PP2D1: variants seen among roughly 807,000 people sequenced by gnomAD.
PP2D1 encodes the protein protein phosphatase 2C-like domain-containing protein 1.
In PP2D1, 25 loss-of-function variants were observed where a neutral mutation model predicts 30.2. The observed-to-expected ratio is 0.83, with a 90% confidence interval of 0.60 to 1.16. The LOEUF (loss-of-function observed/expected upper bound fraction) is 1.16. Among genes scored for constraint, PP2D1 ranks in the 50% most tolerant of loss-of-function variants. The pLI is 0.00. For missense variants in PP2D1, 760 were observed against 742.4 expected (o/e 1.02, Z -0.28); for synonymous variants, 260 against 258.9 (o/e 1.00, Z -0.04).
At chr3:20,000,419 C>G (rs1160901720) in intron 2 of PP2D1, among the ~76,000 whole-genome samples, 1 of 152,130 alleles carries the variant, frequency 6.6e-6, no homozygotes, top group Non-Finnish European at 1.5e-5. Flanking sequence ...GTCAATTTTG[C>G]TAAAAAGTTT....
At chr3:20,009,870 A>AT (rs1256274766) in intron 1 of PP2D1, among the ~76,000 whole-genome samples, 1 of 152,174 alleles carries the variant, frequency 6.6e-6, no homozygotes, top group African/African-American at 2.4e-5. Context: ...CTGTAGTAAA[A>AT]TTTTATTTAC....
Position 20,001,185 on chromosome 3 carries a change from C to T in PP2D1, c.935G>A (p.Cys312Tyr), listed in dbSNP as rs550331111. The T allele has an allele frequency of 6.6e-7, 1 of 1,511,460 alleles. No homozygotes were observed. The highest frequency in any genetic ancestry group is 8.8e-7 in the Non-Finnish European group (1 of 1,136,598). 93.6% of individuals were successfully genotyped at this position (1,511,460 alleles called of 1,614,324 possible). ...TTCCAATATACAAGTAACTGCAGAG[C>T]AGCCACTCCATTGAACCCTGGACAC... Reference protein sequence around the residue: ...KEVSRVQWSGCSAVTCILEGK... With the variant: ...KEVSRVQWSGYSAVTCILEGK... Residue 312 changes from cysteine to tyrosine, a missense_variant, in exon 2 of 3, where the codon TGC becomes TAC. Coordinates refer to ENST00000389050, the MANE Select transcript of PP2D1 (RefSeq NM_001252657.2).
chr3:19,999,545 A>ATT lies in PP2D1; in HGVS notation c.1090+1483_1090+1484dup, dbSNP rs35816290. Among the ~76,000 whole-genome samples the ATT allele has an allele frequency of 1.2e-3, 168 of 139,576 alleles. 1 individual carries two copies. The highest frequency in any genetic ancestry group is 1.4e-3 in the African/African-American group (53 of 37,584). The allele number at this position is 139,576 out of a possible 152,430, so 91.6% of individuals were successfully genotyped here. ...TACAGGCACCTGCCACGCCTGGCTAATTTTTTTTTTTTTTTGTATTTTTAG... is the reference window on the plus strand; with the variant it reads ...TACAGGCACCTGCCACGCCTGGCTAATTTTTTTTTTTTTTTTTGTATTTTTAG... On this transcript the variant is annotated intron_variant, in intron 2 of 2. Coordinates refer to ENST00000389050, the MANE Select transcript of PP2D1 (RefSeq NM_001252657.2).
In PP2D1 at chr3:20,006,674, C is replaced by G. The variant is rs551795836; in HGVS notation, c.24-4578G>C. Among the ~76,000 whole-genome samples, 3 of 152,190 alleles carry G rather than the reference C, an allele frequency of 2.0e-5. No individual in the cohort carries two copies. The East Asian group carries it at 5.8e-4, about 29-fold the overall frequency. On this transcript the variant is annotated intron_variant, in intron 1 of 2. Coordinates refer to ENST00000389050, the MANE Select transcript of PP2D1 (RefSeq NM_001252657.2). ...ATGAGTTTTTGCCATGTTGGCCAAGCTGGTCTTGAACTCCTGGCCTCATGT... is the reference window on the plus strand; with the variant it reads ...ATGAGTTTTTGCCATGTTGGCCAAGGTGGTCTTGAACTCCTGGCCTCATGT...
rs377096397 is a variant in PP2D1 at position 19,985,901 on chromosome 3, A to G, written c.1372T>C (p.Trp458Arg). 1.3e-6 allele frequency: 2 copies of G among 1,536,488 alleles called. No homozygotes were observed. Among genetic ancestry groups the G allele is most frequent in the Admixed American group, 3.9e-5 (2 of 51,010 alleles). Reference sequence around the variant, plus strand: ...ACTTCCTCTTTATCCAAAACTTCCCAAAGTCCATTAGTAGCTACAATAAGG... The same window carrying G: ...ACTTCCTCTTTATCCAAAACTTCCCGAAGTCCATTAGTAGCTACAATAAGG... ...QFLIVATNGL[W>R]EVLDKEEVTA... The change falls in exon 3 of 3, where the codon TGG (tryptophan) becomes CGG (arginine). Residue 458 changes from tryptophan (W) to arginine (R), a missense_variant. Around this residue, in one of 3 missense-constraint regions of PP2D1, gnomAD observed 369 missense variants for 316.2 expected, o/e 1.17. Coordinates refer to ENST00000389050, the MANE Select transcript of PP2D1 (RefSeq NM_001252657.2).
chr3:19,991,168 A>G (rs924376244), intron 2 of PP2D1, among the ~76,000 whole-genome samples: 6 of 152,242 alleles, frequency 3.9e-5, no homozygotes, highest in Admixed American at 2.6e-4. Context: ...GGGGATTAAA[A>G]AGAGCCGCTT....
chr3:20,012,003 A>G, intron 1 of PP2D1, 47 bp downstream of exon 1: 1 of 1,381,376 alleles, frequency 7.2e-7, no homozygotes, highest in Non-Finnish European at 9.9e-7. Flanking sequence ...AGATATAATT[A>G]CTCATTGGCT....
downstream of PP2D1, among the ~76,000 whole-genome samples, chr3:19,983,345 C>CAA (rs34872300): frequency 0.41 from 37,281 of 91,606 alleles, 6,797 homozygotes; most frequent in Non-Finnish European, 0.44. Context: ...GACTACATCT[C>CAA]AAAAAAAAAA....
rs998678304 is a variant in PP2D1, at chr3:20,012,073, G to A, written c.-1C>T. On this transcript the variant is annotated 5_prime_UTR_variant, in exon 1 of 3. Coordinates refer to ENST00000389050, the MANE Select transcript of PP2D1 (RefSeq NM_001252657.2). ...ACCTTAAAGCATTATTGGTGCTCATGTTCCTTTGGAATTACCTTTCTTTGC... is the reference window on the plus strand; with the variant it reads ...ACCTTAAAGCATTATTGGTGCTCATATTCCTTTGGAATTACCTTTCTTTGC... The A allele has an allele frequency of 2.0e-6, 3 of 1,531,960 alleles. No homozygotes were observed. The highest frequency in any genetic ancestry group is 2.0e-5 in the Admixed American group (1 of 50,752). 94.9% of individuals were successfully genotyped at this position (1,531,960 alleles called of 1,614,324 possible). A position where few individuals can be genotyped will look rare whatever the true frequency, so the allele number is the denominator to read the frequency against.
chr3:19,991,110 A>G (rs558374196), intron 2 of PP2D1, among the ~76,000 whole-genome samples: 16 of 152,320 alleles, frequency 1.1e-4, no homozygotes, highest in African/African-American at 3.6e-4. Context: ...CAGAACAAAA[A>G]TGGAACAGGA....
rs1697014683 is a variant in PP2D1, at chr3:19,985,480, C to G, written c.1793G>C (p.Ser598Thr). 6.5e-7 allele frequency: 1 copy of G among 1,535,930 alleles called. No individual in the cohort carries two copies. The highest frequency in any genetic ancestry group is 1.4e-5 in the African/African-American group (1 of 73,028). Reference sequence around the variant, plus strand: ...TAAAGCAGCATTTACAAGTTCATGGCTAACATACTCAGCTGCGCCTTCATA... The same window carrying G: ...TAAAGCAGCATTTACAAGTTCATGGGTAACATACTCAGCTGCGCCTTCATA... ...SFYEGAAEYV[S>T]HELVNAALLA... Residue 598 changes from serine (S) to threonine (T), a missense_variant, in exon 3 of 3, where the codon AGC (serine) becomes ACC (threonine). Physicochemically the swap from Ser to Thr is moderately conservative, Grantham distance 58. This residue lies in a region of PP2D1 where 369 missense variants were observed against 316.2 expected (regional missense o/e 1.17). Transcript: ENST00000389050.
chr3:19,983,878 A>G (rs947998852), downstream of PP2D1: 3 of 1,234,236 alleles, frequency 2.4e-6, no homozygotes, highest in South Asian at 1.3e-5. Flanking sequence ...GTTAATAACA[A>G]TGGAATTGGA....
chr3:19,982,779 G>A (rs1696954970), downstream of PP2D1, among the ~76,000 whole-genome samples: 1 of 149,440 alleles, frequency 6.7e-6, no homozygotes, highest in Middle Eastern at 3.4e-3. Context: ...AAAAAAAAAA[G>A]AGAGCATGTA....
At chr3:19,987,762 A>AT (rs1301633183) in intron 2 of PP2D1, among the ~76,000 whole-genome samples, 1 of 152,186 alleles carries the variant, frequency 6.6e-6, no homozygotes, top group Non-Finnish European at 1.5e-5. Context: ...ACACAAAAAA[A>AT]TTAGTCGGGC....
At chr3:19,995,530 G>A (rs1038236983) in intron 2 of PP2D1, among the ~76,000 whole-genome samples, 3 of 152,178 alleles carry the variant, frequency 2.0e-5, no homozygotes, top group Non-Finnish European at 4.4e-5. Context: ...GAGAATAAAT[G>A]TTTGCTGTTT....
downstream of PP2D1, chr3:19,984,665 A>T (rs1696998723): frequency 6.4e-6 from 1 of 156,332 alleles, no homozygotes; most frequent in Non-Finnish European, 1.4e-5. Context: ...ACTAACAATT[A>T]TGTATATTCA....
chr3:19,994,149 G>A (rs1272010216), intron 2 of PP2D1, among the ~76,000 whole-genome samples: 1 of 152,118 alleles, frequency 6.6e-6, no homozygotes, highest in Non-Finnish European at 1.5e-5. Flanking sequence ...GACCCCAGAG[G>A]ATGATGGCCT....
At chr3:19,996,744 T>C (rs1697184568) in intron 2 of PP2D1, 1 of 151,496 alleles carries the variant, frequency 6.6e-6, no homozygotes, top group Admixed American at 6.6e-5. Flanking sequence ...AGCACCATGA[T>C]CAAGTGGGAT....
downstream of PP2D1, chr3:19,985,113 G>T: frequency 2.9e-6 from 1 of 344,650 alleles, no homozygotes; most frequent in South Asian, 6.0e-5. Flanking sequence ...TAGGAAAACG[G>T]TTCACCAGTG....
Sources: allele counts gnomAD v4.1 joint callset (sites outside exome capture counted in the v4.1 genomes callset), GRCh38; gene constraint gnomAD v4.1.1; regional missense constraint gnomAD v4.1.1; transcripts MANE v1.5; gene names NCBI Gene and HGNC (gene_info 2026-07-23, HGNC 2026-07-21).